Variants in NAALADL2 observed in about 807,000 individuals in gnomAD.
The protein encoded by NAALADL2 is N-acetylated alpha-linked acidic dipeptidase like 2, also known as inactive N-acetylated-alpha-linked acidic dipeptidase-like protein 2.
Under a neutral mutation model 87.2 loss-of-function variants are expected in NAALADL2, and 76 were observed. That is an observed-to-expected ratio of 0.87 (90% CI 0.72 to 1.05). The LOEUF (loss-of-function observed/expected upper bound fraction) is 1.05, where lower values mean the gene tolerates loss of function less well. NAALADL2 is among the 50% of genes least tolerant of loss of function. NAALADL2 has a pLI of 0.00. For synonymous variants in NAALADL2, 354 were observed against 331.0 expected (o/e 1.07, Z -0.75); for missense variants, 1,089 against 945.8 (o/e 1.15, Z -1.99).
rs537756037 is a variant in NAALADL2, at chr3:175,380,487, G to A, written c.1090+56162G>A. Among the ~76,000 whole-genome samples the A allele has an allele frequency of 6.6e-5, 10 of 151,948 alleles. No homozygotes were observed. The South Asian group carries it at 1.7e-3, about 25-fold the overall frequency. On this transcript the variant is annotated intron_variant, in intron 5 of 13. Coordinates refer to ENST00000454872, the MANE Select transcript of NAALADL2 (RefSeq NM_207015.3). The stretch of plus-strand genomic sequence containing the variant: ...CCATTTTTTTCCGCAAAGAATTACA[G>A]ACAAAAATAAAGTCAAAATTATTGC...
intron 1 of NAALADL2, among the ~76,000 whole-genome samples, chr3:174,538,546 C>CAGAAGGGG (rs1721933241): frequency 6.6e-6 from 1 of 152,056 alleles, no homozygotes; most frequent in Non-Finnish European, 1.5e-5. Context: ...CCTAATGGGA[C>CAGAAGGGG]AGAAGGGGAA....
chr3:175,510,513 G>C (rs1386342216), intron 9 of NAALADL2, among the ~76,000 whole-genome samples: 10 of 152,120 alleles, frequency 6.6e-5, no homozygotes, highest in African/African-American at 2.4e-5. Flanking sequence ...ATTACCACCT[G>C]CTGGTTCAGT....
chr3:174,665,929 C>G (rs984873093), intron 2 of NAALADL2, among the ~76,000 whole-genome samples: 2 of 152,138 alleles, frequency 1.3e-5, no homozygotes, highest in African/African-American at 4.8e-5. Context: ...ATTCTCCTTT[C>G]TGTGTCTGAA....
chr3:175,277,211 T>C (rs1310614036), intron 4 of NAALADL2, among the ~76,000 whole-genome samples: 1 of 152,194 alleles, frequency 6.6e-6, no homozygotes, highest in African/African-American at 2.4e-5. Flanking sequence ...GGCTATGTTA[T>C]GATACTAGAA....
chr3:174,652,353 A>G (rs1042873978), intron 2 of NAALADL2, among the ~76,000 whole-genome samples: 9 of 152,300 alleles, frequency 5.9e-5, no homozygotes, highest in Admixed American at 5.9e-4. Context: ...AACACCAACC[A>G]TAATGTATTA....
At chr3:175,500,034 A>G (rs1729326617) in intron 9 of NAALADL2, among the ~76,000 whole-genome samples, 1 of 152,066 alleles carries the variant, frequency 6.6e-6, no homozygotes, top group South Asian at 2.1e-4. Context: ...ATCTTATTAT[A>G]TATTCATGAT....
intron 13 of NAALADL2, among the ~76,000 whole-genome samples, chr3:175,800,577 C>G (rs1754030547): frequency 6.6e-6 from 1 of 151,928 alleles, no homozygotes; most frequent in Non-Finnish European, 1.5e-5. Flanking sequence ...ATCATGTACT[C>G]ATTTTCAACA....
intron 2 of NAALADL2, among the ~76,000 whole-genome samples, chr3:174,622,449 T>A (rs1363997929): frequency 6.6e-6 from 1 of 152,148 alleles, no homozygotes; most frequent in Non-Finnish European, 1.5e-5. Context: ...CATTTAGCAT[T>A]TACAGTTGAC....
intron 1 of NAALADL2, among the ~76,000 whole-genome samples, chr3:174,954,015 A>G (rs1289778856): frequency 6.6e-6 from 1 of 152,018 alleles, no homozygotes; most frequent in Non-Finnish European, 1.5e-5. Context: ...GTACATTTTA[A>G]TGCCACCGTT....
intron 1 of NAALADL2, among the ~76,000 whole-genome samples, chr3:174,481,347 A>C (rs753880369): frequency 1.3e-5 from 2 of 152,116 alleles, no homozygotes; most frequent in Non-Finnish European, 2.9e-5. Context: ...GGTGAATAAG[A>C]GTGAAGACAT....
intron 2 of NAALADL2, among the ~76,000 whole-genome samples, chr3:175,103,139 A>G (rs1323603419): frequency 2.0e-5 from 3 of 151,434 alleles, no homozygotes; most frequent in East Asian, 3.9e-4. Flanking sequence ...ATTATCTTCA[A>G]CAATACCATG....
chr3:175,369,213 G>T (rs1475170424), intron 5 of NAALADL2, among the ~76,000 whole-genome samples: 1 of 152,030 alleles, frequency 6.6e-6, no homozygotes, highest in Admixed American at 6.6e-5. Context: ...GCACCTGACT[G>T]TATATATATG....
intron 3 of NAALADL2, among the ~76,000 whole-genome samples, chr3:174,787,383 C>A (rs1028692632): frequency 6.6e-6 from 1 of 150,526 alleles, no homozygotes; most frequent in Non-Finnish European, 1.5e-5. Context: ...ACAGAGCCAG[C>A]CTGAAAAGTA....
chr3:174,950,681 A>G (rs1346843962), intron 1 of NAALADL2, among the ~76,000 whole-genome samples: 1 of 152,120 alleles, frequency 6.6e-6, no homozygotes, highest in African/African-American at 2.4e-5. Flanking sequence ...ACTTTGTTTT[A>G]ATTGTCAATA....
At chr3:175,542,997 C>G (rs1712642392) in intron 9 of NAALADL2, among the ~76,000 whole-genome samples, 1 of 152,126 alleles carries the variant, frequency 6.6e-6, no homozygotes, top group Non-Finnish European at 1.5e-5. Flanking sequence ...TCATTTAAAG[C>G]CTTATGTAAT....
chr3:175,027,502 C>T (rs1560492107), intron 1 of NAALADL2, among the ~76,000 whole-genome samples: 1 of 151,966 alleles, frequency 6.6e-6, no homozygotes, highest in East Asian at 1.9e-4. Context: ...ATTAAAAAGA[C>T]CTATGTGACC....
intron 3 of NAALADL2, among the ~76,000 whole-genome samples, chr3:175,241,648 A>G (rs952101155): frequency 1.3e-5 from 2 of 152,148 alleles, no homozygotes; most frequent in Non-Finnish European, 2.9e-5. Flanking sequence ...GATCTAACAC[A>G]ACATATTGTA....
At chr3:174,642,749 CATATATATATATATATATATATATAT>C (rs71624288) in intron 2 of NAALADL2, among the ~76,000 whole-genome samples, 64,165 of 130,804 alleles carry the variant, frequency 0.49, 15,302 homozygotes, top group East Asian at 0.68. Context: ...TGAAAAAAAA[CATATATATATATATATATATATATAT>C]ATATATATAT....
chr3:174,797,865 A>C (rs1205984792), intron 3 of NAALADL2, among the ~76,000 whole-genome samples: 2 of 151,998 alleles, frequency 1.3e-5, no homozygotes, highest in African/African-American at 4.8e-5. Flanking sequence ...AAATGTTGTA[A>C]ATTTTGAAAT....
Sources: allele counts gnomAD v4.1 joint callset (sites outside exome capture counted in the v4.1 genomes callset), GRCh38; gene constraint gnomAD v4.1.1; transcripts MANE v1.5; gene names NCBI Gene and HGNC (gene_info 2026-07-23, HGNC 2026-07-21).